Variants in CCDC40 observed in about 807,000 individuals in gnomAD.
CCDC40 encodes coiled-coil domain-containing protein 40.
Under a neutral mutation model 124.5 loss-of-function variants are expected in CCDC40, and 104 were observed. The observed-to-expected ratio is 0.84, with a 90% CI of 0.71 to 0.98. CCDC40 has a LOEUF of 0.98. Among genes scored for constraint, CCDC40 ranks in the 50% least tolerant of loss-of-function variants. The probability of loss-of-function intolerance (pLI) is 0.00; values close to 1 mark genes in which losing one functional copy is unlikely to be tolerated. For synonymous variants in CCDC40, 580 were observed against 602.9 expected, an observed-to-expected ratio of 0.96 and a Z score of 0.56; for missense variants, 1,463 against 1,503.9, an observed-to-expected ratio of 0.97 and a Z score of 0.45.
At chr17:80,051,319 T>G in intron 7 of CCDC40, 1 of 982,774 alleles carries the variant, frequency 1.0e-6, no homozygotes, top group Non-Finnish European at 1.2e-6. Context: ...AGAGTTAGGG[T>G]AAGTGGGCAC....
intron 9 of CCDC40, among the ~76,000 whole-genome samples, chr17:80,059,564 CT>C (rs11429330): frequency 5.6e-4 from 80 of 142,444 alleles, no homozygotes; most frequent in Non-Finnish European, 5.5e-4. Flanking sequence ...AAACAATTAA[CT>C]TTTTTTTTTT....
At chr17:80,052,662 C>G (rs1206035824) in intron 7 of CCDC40, among the ~76,000 whole-genome samples, 2 of 152,198 alleles carry the variant, frequency 1.3e-5, no homozygotes, top group Non-Finnish European at 2.9e-5. Flanking sequence ...GACAGACAGG[C>G]AAACCCAGCC....
intron 7 of CCDC40, among the ~76,000 whole-genome samples, chr17:80,055,677 A>C (rs1032058526): frequency 6.6e-6 from 1 of 151,952 alleles, no homozygotes; most frequent in African/African-American, 2.4e-5. Context: ...TATTCAACAT[A>C]ATTATTTACT....
intron 7 of CCDC40, among the ~76,000 whole-genome samples, chr17:80,055,016 G>C (rs1487360861): frequency 6.6e-6 from 1 of 151,084 alleles, no homozygotes; most frequent in African/African-American, 2.4e-5. Flanking sequence ...AAAATACAAG[G>C]ATAAAAAAAA....
At chr17:80,046,110 A>G (rs528249400) in intron 3 of CCDC40, among the ~76,000 whole-genome samples, 4 of 152,274 alleles carry the variant, frequency 2.6e-5, no homozygotes, top group African/African-American at 9.6e-5. Context: ...TCTGTTTGTT[A>G]TTTAGGATGA....
chr17:80,037,688 A>AATATAT, intron 1 of CCDC40, among the ~76,000 whole-genome samples: 5 of 45,678 alleles, frequency 1.1e-4, no homozygotes, highest in African/African-American at 3.0e-4. Flanking sequence ...TTTTTTAAAA[A>AATATAT]AGATATACAT....
chr17:80,042,619 A>G (rs910427774), intron 3 of CCDC40, among the ~76,000 whole-genome samples: 1 of 152,188 alleles, frequency 6.6e-6, no homozygotes, highest in African/African-American at 2.4e-5. Flanking sequence ...AAGACAGTTA[A>G]CTTCTTCCTT....
chr17:80,077,772 T>A (rs2038344037), intron 10 of CCDC40, among the ~76,000 whole-genome samples: 1 of 152,240 alleles, frequency 6.6e-6, no homozygotes, highest in Non-Finnish European at 1.5e-5. Flanking sequence ...TATTCGCTAT[T>A]CCTGTGCCTT....
At chr17:80,073,758 C>T (rs773485429) in intron 10 of CCDC40, among the ~76,000 whole-genome samples, 3 of 152,130 alleles carry the variant, frequency 2.0e-5, no homozygotes, top group Non-Finnish European at 2.9e-5. Context: ...GGCAGTGGCA[C>T]GATCTTGGCT....
intron 18 of CCDC40, 126 bp downstream of exon 18, chr17:80,095,577 A>C: frequency 1.2e-6 from 1 of 848,268 alleles, no homozygotes; most frequent in South Asian, 1.6e-5. Context: ...CGTGCTCAGC[A>C]CTGCTAACCT....
chr17:80,044,982 C>T (rs1369530765), intron 3 of CCDC40, among the ~76,000 whole-genome samples: 1 of 152,144 alleles, frequency 6.6e-6, no homozygotes, highest in Non-Finnish European at 1.5e-5. Context: ...TGCACACGGA[C>T]ACCCGGAAAC....
intron 7 of CCDC40, among the ~76,000 whole-genome samples, chr17:80,052,368 C>T (rs2037623517): frequency 1.3e-5 from 2 of 152,220 alleles, no homozygotes; most frequent in African/African-American, 2.4e-5. Flanking sequence ...GAGGCTACAC[C>T]AGTCTCTCTT....
At position 80,099,896 on chromosome 17, in the gene CCDC40, T is replaced by C; in HGVS notation, c.*121T>C. 1 of 1,136,534 alleles carries C rather than the reference T, an allele frequency of 8.8e-7. No individual in the cohort carries two copies. The highest frequency in any genetic ancestry group is 2.1e-5 in the Admixed American group (1 of 47,660). The allele number at this position is 1,136,534 out of a possible 1,614,324, so 70.4% of individuals were successfully genotyped here. A position where few individuals can be genotyped will look rare whatever the true frequency, so the allele number is the denominator to read the frequency against. On this transcript the variant is annotated 3_prime_UTR_variant, in exon 20 of 20. Coordinates refer to ENST00000397545, the MANE Select transcript of CCDC40 (RefSeq NM_017950.4). ...CACATGTACCCTCAGAAGGGCATCG[T>C]TTAAGAGAAATAAGCCAGCCCCACC...
rs796715708 is a variant in CCDC40 at position 80,050,609 on chromosome 17, A to AT, written c.1159+332dup. ...CAGGCACCTGCCACCATGCCTGGCT[A>AT]TTTTTTGTATTTTTAGTAGAGACGG... On this transcript the variant is annotated intron_variant, in intron 7 of 19. Coordinates refer to ENST00000397545, the MANE Select transcript of CCDC40 (RefSeq NM_017950.4). 2.0e-4 allele frequency among the ~76,000 whole-genome samples: 30 copies of AT among 152,098 alleles called. 1 individual carries two copies. Among genetic ancestry groups the AT allele is most frequent in the African/African-American group, 5.5e-4 (23 of 41,476 alleles).
At chr17:80,089,565 G>A (rs1395074343) in intron 16 of CCDC40, 199 bp from the exon 17 acceptor site, 1 of 448,820 alleles carries the variant, frequency 2.2e-6, no homozygotes, top group Non-Finnish European at 3.9e-6. Flanking sequence ...CCCTCCCCCT[G>A]TATGCCAGAG....
Position 80,047,386 on chromosome 17 carries a change from C to T in CCDC40, c.660C>T (p.Phe220=), listed in dbSNP as rs200678214. 127 of 1,612,902 alleles carry T rather than the reference C, an allele frequency of 7.9e-5. No homozygotes were observed. Among genetic ancestry groups the T allele is most frequent in the Middle Eastern group, 1.7e-4 (1 of 5,968 alleles). The change falls in exon 4 of 20, where the codon TTC becomes TTT. Residue 220 remains phenylalanine, a synonymous_variant. Transcript: ENST00000397545. ...TCGAGTCCTCAGACCTGGAGGAGTT[C>T]GTCTCGCAGGAGCCAGGTGCCACCC... The part of the protein sequence containing the change: ...SDIESSDLEE[F]VSQEPVIPPG...
In CCDC40 at chr17:80,099,813, A is replaced by G; in HGVS notation, c.*38A>G. 1.2e-6 allele frequency: 2 copies of G among 1,607,310 alleles called. No individual in the cohort carries two copies. The highest frequency in any genetic ancestry group is 1.7e-5 in the Admixed American group (1 of 59,878). ...ACTCCGCCTTGCAAGGCCTCCAGGA[A>G]GAGATCCGGAATTGTGTTTGTCATG... On this transcript the variant is annotated 3_prime_UTR_variant, in exon 20 of 20. Coordinates refer to ENST00000397545, the MANE Select transcript of CCDC40 (RefSeq NM_017950.4).
intron 10 of CCDC40, among the ~76,000 whole-genome samples, chr17:80,078,909 G>A (rs948815492): frequency 2.0e-5 from 3 of 151,484 alleles, no homozygotes; most frequent in Admixed American, 6.6e-5. Context: ...CATGGACATG[G>A]CAAATCTCTC....
chr17:80,062,877 C>T (rs919333413), intron 9 of CCDC40, among the ~76,000 whole-genome samples: 3 of 152,132 alleles, frequency 2.0e-5, no homozygotes, highest in African/African-American at 7.2e-5. Flanking sequence ...GGGCATGAGC[C>T]ACCGCACCTG....
Sources: allele counts gnomAD v4.1 joint callset (sites outside exome capture counted in the v4.1 genomes callset), GRCh38; gene constraint gnomAD v4.1.1; transcripts MANE v1.5; gene names NCBI Gene and HGNC (gene_info 2026-07-23, HGNC 2026-07-21).